The following ZFHX3 variants were observed in gnomAD, a reference collection of about 807,000 sequenced individuals.
The protein encoded by ZFHX3 is zinc finger homeobox protein 3.
In ZFHX3, 42 loss-of-function variants were observed where a neutral mutation model predicts 279.1. The ratio of observed to expected loss-of-function variants is 0.15; its 90% CI spans 0.12 to 0.19. The LOEUF is 0.19. Ranked by LOEUF, ZFHX3 falls within the 10% of genes least tolerant of loss-of-function variation. ZFHX3 has a pLI of 1.00. For synonymous variants in ZFHX3, 2,293 were observed against 1,957.8 expected (o/e 1.17, Z -4.52); for missense variants, 4,981 against 4,754.0 (o/e 1.05, Z -1.40).
At chr16:73,019,019 G>A (rs1208078457) in intron 1 of ZFHX3, among the ~76,000 whole-genome samples, 6 of 152,190 alleles carry the variant, frequency 3.9e-5, no homozygotes, top group Non-Finnish European at 7.4e-5. Flanking sequence ...CACATCCCTC[G>A]ATGCATCATT....
intron 6 of ZFHX3, among the ~76,000 whole-genome samples, chr16:73,134,915 G>A (rs182352076): frequency 4.3e-4 from 65 of 152,134 alleles, no homozygotes; most frequent in Admixed American, 4.1e-3. Flanking sequence ...GGCCCAAGCA[G>A]CAACTTCAGC....
At chr16:72,984,185 G>GTTA (rs1962744977) in intron 1 of ZFHX3, among the ~76,000 whole-genome samples, 1 of 152,218 alleles carries the variant, frequency 6.6e-6, no homozygotes, top group African/African-American at 2.4e-5. Context: ...GCAGCAAAGA[G>GTTA]GAATAAGCAA....
chr16:73,842,077 A>T (rs1302415106), intron 1 of ZFHX3, among the ~76,000 whole-genome samples: 1 of 151,632 alleles, frequency 6.6e-6, no homozygotes, highest in South Asian at 2.1e-4. Flanking sequence ...TTAGCCAGGC[A>T]TGGTGGCGCA....
intron 2 of ZFHX3, among the ~76,000 whole-genome samples, chr16:73,580,350 C>T (rs754229465): frequency 7.2e-5 from 11 of 151,906 alleles, no homozygotes; most frequent in East Asian, 1.9e-4. Flanking sequence ...CGGCGGCGCA[C>T]GCCTGTAGTC....
At chr16:73,886,250 T>C (rs528081093) in intron 1 of ZFHX3, among the ~76,000 whole-genome samples, 12 of 152,220 alleles carry the variant, frequency 7.9e-5, no homozygotes, top group Non-Finnish European at 1.5e-4. Flanking sequence ...AAATTAAATA[T>C]TTAAAAATAA....
intron 1 of ZFHX3, among the ~76,000 whole-genome samples, chr16:73,043,597 A>T (rs578161669): frequency 2.0e-5 from 3 of 152,174 alleles, no homozygotes; most frequent in East Asian, 1.9e-4. Context: ...AGACACCCCC[A>T]TCACTGCCTA....
chr16:73,535,175 C>T (rs187901676), intron 2 of ZFHX3, among the ~76,000 whole-genome samples: 6 of 152,216 alleles, frequency 3.9e-5, no homozygotes, highest in Admixed American at 3.3e-4. Context: ...TAAGTAGCAC[C>T]CCATAATAGC....
intron 5 of ZFHX3, among the ~76,000 whole-genome samples, chr16:73,155,333 A>T (rs1231242268): frequency 6.6e-6 from 1 of 152,172 alleles, no homozygotes; most frequent in Non-Finnish European, 1.5e-5. Context: ...AGTAGTCAAT[A>T]TAAAGGATGT....
At chr16:72,979,538 A>G (rs1261292524) in intron 1 of ZFHX3, among the ~76,000 whole-genome samples, 1 of 152,220 alleles carries the variant, frequency 6.6e-6, no homozygotes, top group Non-Finnish European at 1.5e-5. Context: ...TGGACCAGTG[A>G]TGGCAATGTG....
chr16:73,378,191 C>T (rs545669058), intron 3 of ZFHX3, among the ~76,000 whole-genome samples: 174 of 152,174 alleles, frequency 1.1e-3, no homozygotes, highest in African/African-American at 4.0e-3. Context: ...GCCTGCTACT[C>T]CCACTAACAG....
At chr16:73,461,090 T>C (rs944756811) in intron 2 of ZFHX3, among the ~76,000 whole-genome samples, 2 of 152,262 alleles carry the variant, frequency 1.3e-5, no homozygotes, top group Non-Finnish European at 2.9e-5. Context: ...TTTTAAATTA[T>C]TTATTATAAT....
intron 4 of ZFHX3, among the ~76,000 whole-genome samples, chr16:72,851,248 C>G (rs537913262): frequency 2.6e-5 from 4 of 152,028 alleles, no homozygotes; most frequent in Non-Finnish European, 5.9e-5. Flanking sequence ...AGAAGAGGGA[C>G]AAGAGGCCTC....
chr16:73,413,035 G>A (rs78568732), intron 3 of ZFHX3, among the ~76,000 whole-genome samples: 1,650 of 152,290 alleles, frequency 0.011, 31 homozygotes, highest in African/African-American at 0.037. Context: ...CCTTGCAGGA[G>A]TTCACAATAC....
chr16:73,817,983 T>G (rs920950120), intron 1 of ZFHX3, among the ~76,000 whole-genome samples: 2 of 152,194 alleles, frequency 1.3e-5, no homozygotes, highest in African/African-American at 4.8e-5. Context: ...GTACGAAAGT[T>G]AAAAGCATTA....
intron 4 of ZFHX3, among the ~76,000 whole-genome samples, chr16:72,881,174 C>G (rs146977301): frequency 2.0e-3 from 305 of 152,336 alleles, no homozygotes; most frequent in African/African-American, 7.1e-3. Context: ...TCTGTATTGT[C>G]TAAGTTAACC....
At chr16:73,374,878 G>T (rs1349787986) in intron 3 of ZFHX3, among the ~76,000 whole-genome samples, 6 of 152,190 alleles carry the variant, frequency 3.9e-5, no homozygotes, top group African/African-American at 1.4e-4. Flanking sequence ...AGATCCAATG[G>T]CTTGACAGGG....
At chr16:73,141,445 T>C (rs1470447612) in intron 6 of ZFHX3, among the ~76,000 whole-genome samples, 1 of 152,052 alleles carries the variant, frequency 6.6e-6, no homozygotes, top group East Asian at 1.9e-4. Flanking sequence ...TCACCCAGGC[T>C]GGAGTGCAGT....
chr16:72,968,899 TGTGTAA>T (rs111473264), intron 1 of ZFHX3, among the ~76,000 whole-genome samples: 4 of 152,248 alleles, frequency 2.6e-5, no homozygotes, highest in South Asian at 2.1e-4. Flanking sequence ...AATATGTGAG[TGTGTAA>T]GTGTGTGTAT....
intron 2 of ZFHX3, among the ~76,000 whole-genome samples, chr16:73,615,177 G>T (rs1382515764): frequency 6.6e-6 from 1 of 151,920 alleles, no homozygotes; most frequent in Non-Finnish European, 1.5e-5. Context: ...ACAATGAGGG[G>T]CCCCGGGCAG....
Sources: gnomAD v4.1 joint callset for allele counts (sites outside exome capture counted in the v4.1 genomes callset) on GRCh38, gnomAD v4.1.1 for gene constraint, MANE v1.5 for transcripts, NCBI Gene and HGNC (gene_info 2026-07-23, HGNC 2026-07-21) for gene names.